The following CCDC150 variants were observed in gnomAD, a reference collection of about 807,000 sequenced individuals.
CCDC150 encodes the protein coiled-coil domain containing 150.
A neutral mutation model predicts 156.5 loss-of-function variants in CCDC150; 151 were observed. The ratio of observed to expected loss-of-function variants is 0.97; its 90% CI spans 0.85 to 1.10. The LOEUF (loss-of-function observed/expected upper bound fraction) is 1.10. Among genes scored for constraint, CCDC150 ranks in the 50% least tolerant of loss-of-function variants. CCDC150 has a pLI of 0.00. For synonymous variants in CCDC150, 452 were observed against 429.4 expected (o/e 1.05, Z -0.65); for missense variants, 1,312 against 1,268.1 (o/e 1.03, Z -0.53).
chr2:196,681,179 T>A (rs1296191428), intron 13 of CCDC150, among the ~76,000 whole-genome samples: 1 of 152,236 alleles, frequency 6.6e-6, no homozygotes, highest in Non-Finnish European at 1.5e-5. Context: ...TTACCTATTC[T>A]GGATATTTTA....
chr2:196,728,878 A>G (rs1698366487), intron 22 of CCDC150, among the ~76,000 whole-genome samples: 1 of 152,248 alleles, frequency 6.6e-6, no homozygotes, highest in Non-Finnish European at 1.5e-5. Context: ...TAATTGCTCC[A>G]GATCACTCAG....
chr2:196,720,271 G>A (rs941756502), intron 19 of CCDC150: 1 of 337,394 alleles, frequency 3.0e-6, no homozygotes, highest in African/African-American at 2.2e-5. Flanking sequence ...ATTACATATT[G>A]TTTATCTTTT....
chr2:196,726,174 C>T, intron 22 of CCDC150, 75 bp downstream of exon 22: 1 of 1,536,848 alleles, frequency 6.5e-7, no homozygotes, highest in Non-Finnish European at 8.9e-7. Flanking sequence ...CAGAGAATGG[C>T]TACAGTTGTT....
chr2:196,709,149 G>A (rs1247437659), intron 15 of CCDC150, among the ~76,000 whole-genome samples: 10 of 152,150 alleles, frequency 6.6e-5, no homozygotes, highest in Non-Finnish European at 5.9e-5. Context: ...CCAATCAAAC[G>A]TAGATTTGGT....
At chr2:196,714,145 TGTGA>T (rs1289433955) in intron 17 of CCDC150, among the ~76,000 whole-genome samples, 2 of 152,320 alleles carry the variant, frequency 1.3e-5, no homozygotes, top group African/African-American at 4.8e-5. Context: ...GAAGGAGGGC[TGTGA>T]GTGTTAGTTG....
rs1304409749 is a variant in CCDC150 at position 196,665,521 on chromosome 2, C to T, written c.646-46C>T. On this transcript the variant is annotated intron_variant, in intron 5 of 27. Transcript: ENST00000389175. The stretch of plus-strand genomic sequence containing the variant: ...TCAGGTAACTTTGATCTTTGTTAAA[C>T]TAGTATGATCAATTGGTCTTGCCTA... 8 of 1,118,198 alleles carry T rather than the reference C, an allele frequency of 7.2e-6. No homozygotes were observed. The Admixed American group carries it at 1.1e-4, about 16-fold the overall frequency. The allele number at this position is 1,118,198 out of a possible 1,614,324, so 69.3% of individuals were successfully genotyped here.
intron 15 of CCDC150, among the ~76,000 whole-genome samples, chr2:196,705,309 G>T (rs948649499): frequency 1.3e-5 from 2 of 152,220 alleles, no homozygotes; most frequent in African/African-American, 4.8e-5. Flanking sequence ...GGCCAGTGAT[G>T]ATGAGCATTT....
At chr2:196,694,213 C>T (rs1016959301) in intron 13 of CCDC150, among the ~76,000 whole-genome samples, 8 of 152,018 alleles carry the variant, frequency 5.3e-5, no homozygotes, top group South Asian at 4.1e-4. Context: ...TGTGCCACCA[C>T]GCCTGGCTAA....
intron 22 of CCDC150, chr2:196,727,080 CAATT>C (rs1459177578): frequency 6.6e-6 from 1 of 152,026 alleles, no homozygotes; most frequent in Non-Finnish European, 1.5e-5. Context: ...AAATAGAAAA[CAATT>C]AAGTCAGAAA....
chr2:196,695,810 C>CAA (rs1281920360), intron 14 of CCDC150, among the ~76,000 whole-genome samples: 88 of 83,170 alleles, frequency 1.1e-3, no homozygotes, highest in East Asian at 2.1e-3. Context: ...GATTCCGTCT[C>CAA]AAAAAAAAAA....
intron 4 of CCDC150, 190 bp downstream of exon 4, chr2:196,657,326 C>A: frequency 1.8e-6 from 1 of 556,186 alleles, no homozygotes; most frequent in Non-Finnish European, 3.2e-6. Context: ...CCACTGTGTG[C>A]TATCTGTGAT....
intron 12 of CCDC150, 142 bp from the exon 13 acceptor site, chr2:196,677,151 C>T: frequency 1.4e-6 from 1 of 720,808 alleles, no homozygotes; most frequent in Non-Finnish European, 2.6e-6. Context: ...CAGAGACTCC[C>T]TGATTGGCCC....
chr2:196,662,962 G>T (rs1693638245), intron 5 of CCDC150, among the ~76,000 whole-genome samples: 1 of 152,018 alleles, frequency 6.6e-6, no homozygotes, highest in Non-Finnish European at 1.5e-5. Context: ...AAACTGCCAG[G>T]CATGGTGGCT....
rs1193837025 is a variant in CCDC150, at chr2:196,658,865, G to A, written c.645+5G>A. 2.5e-6 allele frequency: 4 copies of A among 1,591,752 alleles called. No homozygotes were observed. The highest frequency in any genetic ancestry group is 1.7e-6 in the Non-Finnish European group (2 of 1,166,138). On this transcript the variant is annotated splice_donor_5th_base_variant and intron_variant, in intron 5 of 27. Transcript: ENST00000389175. ...ATGAACCTTAAAATTCAAGAGGTAAGACAAAAAGATGGAGGGTGGAGGAGG... is the reference window on the plus strand; with the variant it reads ...ATGAACCTTAAAATTCAAGAGGTAAAACAAAAAGATGGAGGGTGGAGGAGG...
At chr2:196,731,444 T>C (rs1698518195) in intron 26 of CCDC150, among the ~76,000 whole-genome samples, 1 of 148,144 alleles carries the variant, frequency 6.8e-6, no homozygotes, top group Non-Finnish European at 1.5e-5. Context: ...CAGGCTGGAG[T>C]GCATGGCATA....
chr2:196,717,627 C>T (rs752743729), intron 17 of CCDC150, among the ~76,000 whole-genome samples: 3 of 152,146 alleles, frequency 2.0e-5, no homozygotes, highest in Non-Finnish European at 4.4e-5. Context: ...CGTGGTTTCT[C>T]GCGCCTGTAA....
chr2:196,708,899 T>A (rs1179111887), intron 15 of CCDC150, among the ~76,000 whole-genome samples: 1 of 152,228 alleles, frequency 6.6e-6, no homozygotes, highest in Non-Finnish European at 1.5e-5. Context: ...CTTTCCTTTG[T>A]GGGTAACCCG....
intron 15 of CCDC150, among the ~76,000 whole-genome samples, chr2:196,704,079 TAG>T (rs1348796251): frequency 3.3e-5 from 5 of 152,218 alleles, no homozygotes; most frequent in African/African-American, 1.2e-4. Flanking sequence ...ATACTAAACA[TAG>T]TCAAAACAGT....
intron 13 of CCDC150, among the ~76,000 whole-genome samples, chr2:196,681,487 A>C (rs964708555): frequency 2.0e-5 from 3 of 152,154 alleles, no homozygotes; most frequent in Non-Finnish European, 4.4e-5. Context: ...TTTGTGATAT[A>C]TATATCTAAC....
Sources: gnomAD v4.1 joint callset for allele counts (sites outside exome capture counted in the v4.1 genomes callset) on GRCh38, gnomAD v4.1.1 for gene constraint, MANE v1.5 for transcripts, NCBI Gene and HGNC (gene_info 2026-07-23, HGNC 2026-07-21) for gene names.